PTPRK: variants seen among roughly 807,000 people sequenced by gnomAD.
The protein encoded by PTPRK is receptor-type tyrosine-protein phosphatase kappa.
In PTPRK, 75 loss-of-function variants were observed where a neutral mutation model predicts 178.0. The observed-to-expected ratio is 0.42, with a 90% CI of 0.35 to 0.51. The LOEUF (loss-of-function observed/expected upper bound fraction) is 0.51. Among genes scored for constraint, PTPRK ranks in the 20% least tolerant of loss-of-function variants. The pLI is 0.02. For missense variants in PTPRK, 1,441 were observed against 1,797.8 expected (o/e 0.80, Z 3.59); for synonymous variants, 637 against 620.6 (o/e 1.03, Z -0.39).
chr6:128,520,171 C>A, intron 1 of PTPRK, 88 bp downstream of exon 1: 2 of 1,194,560 alleles, frequency 1.7e-6, no homozygotes, highest in South Asian at 1.4e-5. Flanking sequence ...CCCCACGATC[C>A]TTGTCCCCAG....
At chr6:128,148,563 A>G (rs1796809847) in intron 7 of PTPRK, among the ~76,000 whole-genome samples, 1 of 152,132 alleles carries the variant, frequency 6.6e-6, no homozygotes, top group Non-Finnish European at 1.5e-5. Flanking sequence ...AATCCCTTCC[A>G]ATTCAGACAG....
rs932378610 is a variant in PTPRK, at chr6:128,197,192, T to TC, written c.869-12468_869-12467insG. 2.0e-5 allele frequency among the ~76,000 whole-genome samples: 3 copies of TC among 151,120 alleles called. No individual in the cohort carries two copies. In the South Asian group the frequency reaches 6.3e-4, roughly 32 times the overall value. On this transcript the variant is annotated intron_variant, in intron 6 of 29. Transcript: ENST00000368226. Reference sequence around the variant, plus strand: ...ATCTCTTTTGTTTTTTTCTTTTTTTTTTTTTTGGCTTAAAAAATTTACTTT... The same window carrying TC: ...ATCTCTTTTGTTTTTTTCTTTTTTTTCTTTTTTGGCTTAAAAAATTTACTTT...
At chr6:128,241,757 C>T (rs1424141098) in intron 4 of PTPRK, among the ~76,000 whole-genome samples, 12 of 151,102 alleles carry the variant, frequency 7.9e-5, no homozygotes, top group African/African-American at 2.7e-4. Flanking sequence ...ATTAATAAAC[C>T]GAGTTTCTTG....
chr6:128,249,328 T>A (rs1245103828), intron 3 of PTPRK, among the ~76,000 whole-genome samples: 3 of 151,572 alleles, frequency 2.0e-5, no homozygotes, highest in Admixed American at 6.6e-5. Flanking sequence ...ATTTTTTTTT[T>A]AATTTAAGCC....
At chr6:128,017,710 T>C (rs1211044499) in intron 13 of PTPRK, among the ~76,000 whole-genome samples, 2 of 146,140 alleles carry the variant, frequency 1.4e-5, no homozygotes, top group South Asian at 2.1e-4. Context: ...TCTCTCTCTC[T>C]CCTTCTCTCT....
intron 7 of PTPRK, among the ~76,000 whole-genome samples, chr6:128,157,353 A>G (rs1798083302): frequency 6.6e-6 from 1 of 151,982 alleles, no homozygotes; most frequent in South Asian, 2.1e-4. Context: ...CATATACATG[A>G]GATTATTTTT....
intron 1 of PTPRK, among the ~76,000 whole-genome samples, chr6:128,507,135 T>C (rs1856487200): frequency 6.6e-6 from 1 of 152,168 alleles, no homozygotes; most frequent in Non-Finnish European, 1.5e-5. Flanking sequence ...AGTTCCAATG[T>C]CCGCACTCTT....
intron 1 of PTPRK, among the ~76,000 whole-genome samples, chr6:128,421,600 G>A (rs1843491123): frequency 6.6e-6 from 1 of 151,988 alleles, no homozygotes; most frequent in East Asian, 1.9e-4. Context: ...CCAGAATTAC[G>A]ATTCATTTCA....
chr6:128,332,684 A>G (rs1830433050), intron 2 of PTPRK, among the ~76,000 whole-genome samples: 1 of 152,280 alleles, frequency 6.6e-6, no homozygotes, highest in South Asian at 2.1e-4. Context: ...ATGGCACTTA[A>G]CCTTCATAAC....
chr6:128,304,513 GCTCA>G (rs1196453349), intron 3 of PTPRK, among the ~76,000 whole-genome samples: 3 of 152,120 alleles, frequency 2.0e-5, no homozygotes, highest in South Asian at 2.1e-4. Flanking sequence ...GAATGGAAAG[GCTCA>G]CTAAGAACCC....
chr6:128,484,304 T>C (rs1475822335), intron 1 of PTPRK, among the ~76,000 whole-genome samples: 5 of 152,134 alleles, frequency 3.3e-5, no homozygotes, highest in African/African-American at 4.8e-5. Flanking sequence ...TCTTTTTACT[T>C]CCTTCTCTAG....
Position 128,260,384 on chromosome 6 carries a change from C to T in PTPRK, c.496-17782G>A, listed in dbSNP as rs938356263. ...CTGCAGTTGTTGAAGGAAAAGATGA[C>T]GGCATTAACCCTGAGGATGCCCAAA... is the stretch of plus-strand genomic sequence containing the variant. On this transcript the variant is annotated intron_variant, in intron 3 of 29. Coordinates refer to ENST00000368226, the MANE Select transcript of PTPRK (RefSeq NM_002844.4). Among the ~76,000 whole-genome samples, 5 of 152,182 alleles carry T rather than the reference C, an allele frequency of 3.3e-5. No homozygotes were observed. The South Asian group carries it at 6.2e-4, about 19-fold the overall frequency.
intron 6 of PTPRK, among the ~76,000 whole-genome samples, chr6:128,189,289 G>T (rs1366862511): frequency 3.7e-5 from 5 of 134,544 alleles, no homozygotes; most frequent in African/African-American, 1.4e-4. Context: ...ACCCAGGCTG[G>T]AGTGCAATGG....
intron 2 of PTPRK, among the ~76,000 whole-genome samples, chr6:128,390,823 G>A (rs1426865730): frequency 6.6e-6 from 1 of 152,140 alleles, no homozygotes; most frequent in Admixed American, 6.5e-5. Flanking sequence ...TACATGTCAT[G>A]TCCCTGGTAT....
At chr6:128,041,498 T>C (rs1045373625) in intron 13 of PTPRK, among the ~76,000 whole-genome samples, 2 of 152,024 alleles carry the variant, frequency 1.3e-5, no homozygotes, top group Non-Finnish European at 2.9e-5. Flanking sequence ...CAAACTGGAT[T>C]TTAATACTTT....
chr6:128,088,703 G>A (rs1454120842), intron 8 of PTPRK, among the ~76,000 whole-genome samples: 1 of 152,050 alleles, frequency 6.6e-6, no homozygotes, highest in African/African-American at 2.4e-5. Context: ...ATATACTGTA[G>A]TGCTATAACA....
At chr6:128,235,226 T>A (rs966225994) in intron 5 of PTPRK, among the ~76,000 whole-genome samples, 8 of 152,228 alleles carry the variant, frequency 5.3e-5, no homozygotes, top group African/African-American at 1.9e-4. Context: ...TATTTGAATA[T>A]TTTTTAAAAG....
intron 3 of PTPRK, among the ~76,000 whole-genome samples, chr6:128,260,265 T>G (rs928677413): frequency 9.2e-5 from 14 of 152,232 alleles, no homozygotes; most frequent in African/African-American, 3.4e-4. Flanking sequence ...TGACATAATC[T>G]GAATTATGAT....
At chr6:128,258,235 T>A (rs969065973) in intron 3 of PTPRK, among the ~76,000 whole-genome samples, 1 of 152,194 alleles carries the variant, frequency 6.6e-6, no homozygotes, top group African/African-American at 2.4e-5. Flanking sequence ...AGTGATTATG[T>A]GAAATTCCTT....
Sources: allele counts gnomAD v4.1 joint callset (sites outside exome capture counted in the v4.1 genomes callset), GRCh38; gene constraint gnomAD v4.1.1; transcripts MANE v1.5; gene names NCBI Gene and HGNC (gene_info 2026-07-23, HGNC 2026-07-21).